CHKA: variants seen among roughly 807,000 people sequenced by gnomAD.
CHKA encodes the protein CHETK-alpha.
A neutral mutation model predicts 60.1 loss-of-function variants in CHKA; 34 were observed. The ratio of observed to expected loss-of-function variants is 0.57; its 90% CI spans 0.43 to 0.75. The LOEUF (loss-of-function observed/expected upper bound fraction) is 0.75. CHKA is among the 30% of genes least tolerant of loss of function. CHKA has a pLI of 0.00. For synonymous variants in CHKA, 217 were observed against 223.1 expected (o/e 0.97, Z 0.24); for missense variants, 563 against 561.3 (o/e 1.00, Z -0.03).
At chr11:68,109,896 G>C (rs529950042) in intron 1 of CHKA, among the ~76,000 whole-genome samples, 1 of 152,294 alleles carries the variant, frequency 6.6e-6, no homozygotes, top group South Asian at 2.1e-4. Context: ...AGGTTGCAGT[G>C]AGCCGAGGTC....
chr11:68,105,514 C>CAAAAAAAAA (rs1170085830), intron 1 of CHKA, among the ~76,000 whole-genome samples: 93 of 64,952 alleles, frequency 1.4e-3, no homozygotes, highest in Non-Finnish European at 1.7e-3. Context: ...GACTCCATCT[C>CAAAAAAAAA]AAAAAAAAAA....
intron 1 of CHKA, among the ~76,000 whole-genome samples, chr11:68,118,838 A>G (rs1858494235): frequency 6.6e-6 from 1 of 152,236 alleles, no homozygotes; most frequent in Admixed American, 6.5e-5. Flanking sequence ...AGCAAAATGC[A>G]AAAGTTTAAC....
At chr11:68,075,770 A>C (rs1321135153) in intron 3 of CHKA, among the ~76,000 whole-genome samples, 2 of 152,128 alleles carry the variant, frequency 1.3e-5, no homozygotes, top group African/African-American at 4.8e-5. Context: ...ATGCCCCACC[A>C]CCACCGAAGT....
At chr11:68,104,329 A>AG (rs1185662322) in intron 1 of CHKA, among the ~76,000 whole-genome samples, 1 of 152,068 alleles carries the variant, frequency 6.6e-6, no homozygotes, top group Non-Finnish European at 1.5e-5. Context: ...AGGCGAGGGG[A>AG]GGGGAGACAG....
chr11:68,087,493 C>A (rs549039834), intron 2 of CHKA, among the ~76,000 whole-genome samples: 109 of 151,468 alleles, frequency 7.2e-4, no homozygotes, highest in South Asian at 2.1e-3. Flanking sequence ...CACACACACA[C>A]AAAAAAATCA....
chr11:68,058,941 G>A (rs2134490845), intron 11 of CHKA, among the ~76,000 whole-genome samples: 1 of 152,254 alleles, frequency 6.6e-6, no homozygotes, highest in East Asian at 1.9e-4. Flanking sequence ...TTGTTGCCCA[G>A]GCTGGAGTGC....
chr11:68,105,667 T>C (rs1857889928), intron 1 of CHKA, among the ~76,000 whole-genome samples: 1 of 152,190 alleles, frequency 6.6e-6, no homozygotes, highest in South Asian at 2.1e-4. Flanking sequence ...GTGAATCCGC[T>C]GAATGAATGC....
chr11:68,079,815 C>A (rs917694984), intron 3 of CHKA, among the ~76,000 whole-genome samples: 1 of 152,110 alleles, frequency 6.6e-6, no homozygotes, highest in Non-Finnish European at 1.5e-5. Context: ...AGTTCCAAGT[C>A]GAGGTCAGGG....
intron 3 of CHKA, among the ~76,000 whole-genome samples, chr11:68,075,897 C>A (rs1488212417): frequency 6.6e-6 from 1 of 152,200 alleles, no homozygotes; most frequent in Non-Finnish European, 1.5e-5. Context: ...TAATTCACCC[C>A]CTGTGAAGCA....
chr11:68,087,761 A>G (rs1857226880), intron 2 of CHKA, among the ~76,000 whole-genome samples: 1 of 152,174 alleles, frequency 6.6e-6, no homozygotes, highest in African/African-American at 2.4e-5. Flanking sequence ...GCTTTACATA[A>G]AACGGTAGAT....
chr11:68,094,869 A>G (rs1317851232), intron 2 of CHKA, among the ~76,000 whole-genome samples: 1 of 152,202 alleles, frequency 6.6e-6, no homozygotes, highest in African/African-American at 2.4e-5. Flanking sequence ...ACAGCTTGAC[A>G]GAGTCAAGGA....
In CHKA at chr11:68,096,211, CA is replaced by C. The variant is rs574551397; in HGVS notation, c.462+807del. On this transcript the variant is annotated intron_variant, in intron 2 of 11. Coordinates refer to ENST00000265689, the MANE Select transcript of CHKA (RefSeq NM_001277.3). ...AAACCCCGTCTCTACTAAAAAAGTA[CA>C]AAATTAGCCAGGCGTGGTGGCATGC... Among the ~76,000 whole-genome samples, 20 of 149,860 alleles carry C rather than the reference CA, an allele frequency of 1.3e-4. No homozygotes were observed. The South Asian group carries it at 4.2e-3, about 32-fold the overall frequency.
intron 1 of CHKA, among the ~76,000 whole-genome samples, chr11:68,120,154 G>A (rs569541351): frequency 4.6e-4 from 70 of 151,890 alleles, no homozygotes; most frequent in African/African-American, 1.6e-3. Flanking sequence ...GCTTGAACAC[G>A]GGAGGCCGTG....
chr11:68,100,433 T>C (rs917197491), intron 1 of CHKA, among the ~76,000 whole-genome samples: 1 of 151,476 alleles, frequency 6.6e-6, no homozygotes, highest in Non-Finnish European at 1.5e-5. Flanking sequence ...CTACTAAAAA[T>C]ACAAAAATTA....
chr11:68,121,312 G>A lies in CHKA; in HGVS notation c.-135C>T. 2 of 491,980 alleles carry A rather than the reference G, an allele frequency of 4.1e-6. No homozygotes were observed. The highest frequency in any genetic ancestry group is 5.2e-6 in the Non-Finnish European group (2 of 381,982). 30.5% of individuals were successfully genotyped at this position (491,980 alleles called of 1,614,324 possible). ...GGGGGCCGCGGCGGTTGGGCGCGCGGGGCGGCGGCGGCGGCTGCGGCGACT... is the reference window on the plus strand; with the variant it reads ...GGGGGCCGCGGCGGTTGGGCGCGCGAGGCGGCGGCGGCGGCTGCGGCGACT... On this transcript the variant is annotated 5_prime_UTR_variant, in exon 1 of 12. Transcript: ENST00000265689.
At chr11:68,112,018 A>AT (rs1858164657) in intron 1 of CHKA, among the ~76,000 whole-genome samples, 1 of 128,238 alleles carries the variant, frequency 7.8e-6, no homozygotes. Flanking sequence ...ACGCCATTGC[A>AT]TTCCAGCCTG....
intron 2 of CHKA, among the ~76,000 whole-genome samples, chr11:68,083,245 G>A (rs946302437): frequency 1.3e-5 from 2 of 152,130 alleles, no homozygotes; most frequent in African/African-American, 4.8e-5. Context: ...CTGGTGCCAC[G>A]CAGCCAACCA....
chr11:68,053,787 G>T lies in CHKA; in HGVS notation c.*201C>A. 1 of 508,368 alleles carries T rather than the reference G, an allele frequency of 2.0e-6. No individual in the cohort carries two copies. Among genetic ancestry groups the T allele is most frequent in the East Asian group, 3.2e-5 (1 of 31,430 alleles). The allele number at this position is 508,368 out of a possible 1,614,324, so 31.5% of individuals were successfully genotyped here. On this transcript the variant is annotated 3_prime_UTR_variant, in exon 12 of 12. Coordinates refer to ENST00000265689, the MANE Select transcript of CHKA (RefSeq NM_001277.3). ...ATTTCTGCTTCCCGATCTCGTTTCT[G>T]AGTCCTAGTGAAATCGTAAACAAGA... is the stretch of plus-strand genomic sequence containing the variant.
At chr11:68,078,745 T>C (rs776124162) in intron 3 of CHKA, among the ~76,000 whole-genome samples, 3 of 152,100 alleles carry the variant, frequency 2.0e-5, no homozygotes, top group Non-Finnish European at 2.9e-5. Flanking sequence ...AAATAACGGA[T>C]CAGTACTCTT....
Sources: gnomAD v4.1 joint callset for allele counts (sites outside exome capture counted in the v4.1 genomes callset) on GRCh38, gnomAD v4.1.1 for gene constraint, MANE v1.5 for transcripts, NCBI Gene and HGNC (gene_info 2026-07-23, HGNC 2026-07-21) for gene names.